Variants in SCGB2B2 observed in about 807,000 individuals in gnomAD.
SCGB2B2 encodes the protein secretoglobin family 2B member 2.
SCGB2B2 carries 11 observed loss-of-function variants against 7.6 expected under a neutral mutation model. The observed-to-expected ratio is 1.45, with a 90% CI of 0.91 to 2.40. SCGB2B2 has a LOEUF of 2.40. Among genes scored for constraint, SCGB2B2 ranks in the 30% most tolerant of loss-of-function variants. The pLI is 0.00. For missense variants in SCGB2B2, 104 were observed against 115.4 expected, an observed-to-expected ratio of 0.90 and a Z score of 0.45; for synonymous variants, 50 against 48.6, an observed-to-expected ratio of 1.03 and a Z score of -0.12.
intron 1 of SCGB2B2, chr19:34,608,815 TTTTC>T (rs199546038): frequency 1.1e-4 from 16 of 151,016 alleles, no homozygotes; most frequent in Admixed American, 8.6e-4. Context: ...GATATACTAA[TTTTC>T]TTTCTTTTTT....
rs2066642370 is a variant in SCGB2B2, at chr19:34,635,217, C to A, written c.-2031-38623G>T. On this transcript the variant is annotated intron_variant, in intron 1 of 3. Transcript: ENST00000601241. The stretch of plus-strand genomic sequence containing the variant: ...CACTGGGAACTCTCGGGTGTATAAT[C>A]ATGCTGGAATTCTGGCTAAATAATT... 7 of 287,674 alleles carry A rather than the reference C, an allele frequency of 2.4e-5. 1 individual carries two copies. In the South Asian group the frequency reaches 3.0e-4, roughly 12 times the overall value. The allele number at this position is 287,674 out of a possible 1,614,324, so 17.8% of individuals were successfully genotyped here. A position where few individuals can be genotyped will look rare whatever the true frequency, so the allele number is the denominator to read the frequency against.
At chr19:34,666,758 G>C (rs2067636678) in intron 1 of SCGB2B2, among the ~76,000 whole-genome samples, 1 of 152,130 alleles carries the variant, frequency 6.6e-6, no homozygotes, top group Non-Finnish European at 1.5e-5. Flanking sequence ...CTGAGCCCTG[G>C]CGTTGCTGGG....
chr19:34,623,911 G>A (rs2066301805), intron 1 of SCGB2B2, among the ~76,000 whole-genome samples: 1 of 152,178 alleles, frequency 6.6e-6, no homozygotes, highest in African/African-American at 2.4e-5. Context: ...CCTAGAATTT[G>A]TCTCTCAAGG....
intron 1 of SCGB2B2, among the ~76,000 whole-genome samples, chr19:34,649,025 C>G (rs1370929452): frequency 1.3e-5 from 2 of 152,218 alleles, no homozygotes; most frequent in Non-Finnish European, 2.9e-5. Flanking sequence ...GCCTCAGCCT[C>G]CCAAGTAGCT....
intron 1 of SCGB2B2, among the ~76,000 whole-genome samples, chr19:34,654,781 C>A (rs7245598): frequency 1.3e-5 from 2 of 150,980 alleles, no homozygotes; most frequent in East Asian, 3.9e-4. Context: ...TAGCCCCCAG[C>A]CCACCAAGAG....
In SCGB2B2 at chr19:34,596,021, C is replaced by T. The variant is rs960950583; in HGVS notation, c.-1458G>A. On this transcript the variant is annotated 5_prime_UTR_variant, in exon 2 of 4. It introduces an in-frame stop codon into an upstream open reading frame of the 5' UTR. Transcript: ENST00000601241. ...GAGCAGTTCCTAGATTAGGCTGTGC[C>T]ACCCAGACTGAGTGGGCTCACCTCG... is the stretch of plus-strand genomic sequence containing the variant. The T allele has an allele frequency of 6.6e-6, 1 of 152,434 alleles. No homozygotes were observed. Among genetic ancestry groups the T allele is most frequent in the Non-Finnish European group, 1.5e-5 (1 of 68,186 alleles). The allele number at this position is 152,434 out of a possible 1,614,324, so 9.4% of individuals were successfully genotyped here.
intron 1 of SCGB2B2, among the ~76,000 whole-genome samples, chr19:34,619,343 T>A (rs1282750949): frequency 6.6e-6 from 1 of 152,188 alleles, no homozygotes; most frequent in African/African-American, 2.4e-5. Context: ...AGTATAGAGA[T>A]CTTAAGATTC....
chr19:34,600,096 A>G (rs1002935266), intron 1 of SCGB2B2, among the ~76,000 whole-genome samples: 1 of 152,158 alleles, frequency 6.6e-6, no homozygotes, highest in Non-Finnish European at 1.5e-5. Context: ...GGTTTGTTAC[A>G]TATGTGCCAT....
intron 1 of SCGB2B2, chr19:34,634,834 C>T (rs781172212): frequency 3.2e-5 from 8 of 252,778 alleles, no homozygotes; most frequent in African/African-American, 1.1e-4. Flanking sequence ...TTCCCACATT[C>T]GCTGCACACA....
At chr19:34,626,009 G>C (rs1043988069) in intron 1 of SCGB2B2, among the ~76,000 whole-genome samples, 1 of 152,160 alleles carries the variant, frequency 6.6e-6, no homozygotes, top group Non-Finnish European at 1.5e-5. Context: ...AGGCAAACAG[G>C]GTCTGGAGTG....
chr19:34,588,404 G>A (rs182587176), downstream of SCGB2B2, among the ~76,000 whole-genome samples: 1,184 of 152,246 alleles, frequency 7.8e-3, 18 homozygotes, highest in African/African-American at 0.027. Flanking sequence ...TGATGTGGCC[G>A]TCACCCAGGC....
At chr19:34,650,063 G>A (rs1013774623) in intron 1 of SCGB2B2, among the ~76,000 whole-genome samples, 1 of 151,152 alleles carries the variant, frequency 6.6e-6, no homozygotes, top group Non-Finnish European at 1.5e-5. Flanking sequence ...CTCCAGCATG[G>A]GCTCTGCATG....
chr19:34,617,812 G>A (rs1265390429), intron 1 of SCGB2B2, among the ~76,000 whole-genome samples: 1 of 152,176 alleles, frequency 6.6e-6, no homozygotes, highest in African/African-American at 2.4e-5. Context: ...GTATGATATT[G>A]GCTGTGGGTT....
At chr19:34,642,530 A>G (rs2066871762) in intron 1 of SCGB2B2, among the ~76,000 whole-genome samples, 1 of 152,016 alleles carries the variant, frequency 6.6e-6, no homozygotes, top group Non-Finnish European at 1.5e-5. Flanking sequence ...CCTGGCCAAC[A>G]TGGTGAAACC....
At chr19:34,622,845 T>C (rs2066274494) in intron 1 of SCGB2B2, among the ~76,000 whole-genome samples, 1 of 151,952 alleles carries the variant, frequency 6.6e-6, no homozygotes, top group Non-Finnish European at 1.5e-5. Context: ...TCAATTGAAA[T>C]GAGAGATAGA....
At chr19:34,586,368 A>G (rs552786435), downstream of SCGB2B2, among the ~76,000 whole-genome samples, 2 of 152,344 alleles carry the variant, frequency 1.3e-5, no homozygotes, top group East Asian at 1.9e-4. Flanking sequence ...TGATCAAAAT[A>G]ATGAACACAT....
intron 1 of SCGB2B2, among the ~76,000 whole-genome samples, chr19:34,628,702 G>T (rs999073153): frequency 1.3e-5 from 2 of 151,944 alleles, no homozygotes; most frequent in Non-Finnish European, 2.9e-5. Flanking sequence ...AGAGGAGCTA[G>T]TACCATTCCT....
At chr19:34,639,704 G>T (rs897600746) in intron 1 of SCGB2B2, among the ~76,000 whole-genome samples, 1 of 152,126 alleles carries the variant, frequency 6.6e-6, no homozygotes, top group Non-Finnish European at 1.5e-5. Context: ...TCCAATGCTT[G>T]AGGACCTATC....
chr19:34,627,254 A>T (rs1404437583), intron 1 of SCGB2B2, among the ~76,000 whole-genome samples: 1 of 152,214 alleles, frequency 6.6e-6, no homozygotes, highest in Non-Finnish European at 1.5e-5. Flanking sequence ...ATTCACACAT[A>T]ACAATATTAA....
Sources: gnomAD v4.1 joint callset for allele counts (sites outside exome capture counted in the v4.1 genomes callset) on GRCh38, gnomAD v4.1.1 for gene constraint, MANE v1.5 for transcripts, NCBI Gene and HGNC (gene_info 2026-07-23, HGNC 2026-07-21) for gene names.